Variants in TNRC6B observed in about 807,000 individuals in gnomAD.
TNRC6B encodes trinucleotide repeat-containing gene 6B protein.
TNRC6B carries 52 observed loss-of-function variants against 203.6 expected under a neutral mutation model. The ratio of observed to expected loss-of-function variants is 0.26; its 90% confidence interval spans 0.20 to 0.32. The LOEUF is 0.32. Ranked by LOEUF, TNRC6B falls within the 10% of genes least tolerant of loss-of-function variation. The pLI, the probability that TNRC6B is intolerant of heterozygous loss-of-function variation, is 1.00. For synonymous variants in TNRC6B, 838 were observed against 845.7 expected (o/e 0.99, Z 0.16); for missense variants, 1,923 against 2,286.2 (o/e 0.84, Z 3.24).
chr22:40,212,157 C>T (rs2069573148), intron 1 of TNRC6B, among the ~76,000 whole-genome samples: 1 of 152,196 alleles, frequency 6.6e-6, no homozygotes, highest in Admixed American at 6.5e-5. Flanking sequence ...GTACTTAAGG[C>T]TTCAGCTACC....
chr22:40,173,620 T>C (rs2069025374), upstream of TNRC6B, among the ~76,000 whole-genome samples: 1 of 150,168 alleles, frequency 6.7e-6, no homozygotes, highest in African/African-American at 2.4e-5. Flanking sequence ...TCACTATGTT[T>C]GTTGCCCAGT....
At chr22:40,219,052 A>G (rs533647952) in intron 1 of TNRC6B, among the ~76,000 whole-genome samples, 6 of 152,348 alleles carry the variant, frequency 3.9e-5, no homozygotes, top group Non-Finnish European at 7.3e-5. Context: ...CACAAGCACA[A>G]AAGTATTAAG....
intron 1 of TNRC6B, among the ~76,000 whole-genome samples, chr22:40,229,448 T>TGC (rs1381293522): frequency 6.6e-6 from 1 of 152,060 alleles, no homozygotes; most frequent in Admixed American, 6.5e-5. Context: ...GGAAAGGCTT[T>TGC]TTTTTTTTTC....
intron 8 of TNRC6B, among the ~76,000 whole-genome samples, chr22:40,277,545 G>C (rs747443854): frequency 1.2e-4 from 18 of 152,334 alleles, no homozygotes; most frequent in Non-Finnish European, 2.4e-4. Flanking sequence ...TAGAATTTCT[G>C]ATTTCTTTAT....
rs866756732 is a variant in TNRC6B at position 40,237,990 on chromosome 22, T to C, written c.6-8025T>C. 2.0e-5 allele frequency among the ~76,000 whole-genome samples: 3 copies of C among 152,218 alleles called. No homozygotes were observed. In the South Asian group the frequency reaches 6.2e-4, roughly 32 times the overall value. ...TCACAGGTCAGTGCGTGGCATATCA[T>C]AGACACTCAGCATGTTTATTAGATG... On this transcript the variant is annotated intron_variant, in intron 1 of 22. Coordinates refer to ENST00000454349, the MANE Select transcript of TNRC6B (RefSeq NM_001162501.2).
chr22:40,256,018 A>C (rs1198635089), intron 3 of TNRC6B, among the ~76,000 whole-genome samples: 2 of 152,090 alleles, frequency 1.3e-5, no homozygotes, highest in Admixed American at 1.3e-4. Flanking sequence ...ACGCCTGGCT[A>C]ATTTTTTGTA....
chr22:40,184,609 A>G (rs2146385130), intron 1 of TNRC6B, among the ~76,000 whole-genome samples: 1 of 152,302 alleles, frequency 6.6e-6, no homozygotes, highest in Admixed American at 6.5e-5. Flanking sequence ...TGTTGTGGAA[A>G]CTGGCTGGGA....
chr22:40,255,767 C>T (rs2070266671), intron 3 of TNRC6B, among the ~76,000 whole-genome samples: 1 of 152,180 alleles, frequency 6.6e-6, no homozygotes, highest in African/African-American at 2.4e-5. Context: ...GCTCTCTGTT[C>T]CTTTTCACAG....
intron 3 of TNRC6B, among the ~76,000 whole-genome samples, chr22:40,137,618 C>T (rs916090651): frequency 5.9e-5 from 9 of 152,048 alleles, no homozygotes; most frequent in African/African-American, 1.9e-4. Flanking sequence ...GAAGCAGAAC[C>T]CCTGCAGGCA....
rs58482182 is a variant in TNRC6B, at chr22:40,149,679, CAAAA to C, written c.46-6416_46-6413del. 2.8e-3 allele frequency among the ~76,000 whole-genome samples: 235 copies of C among 84,822 alleles called. 1 individual carries two copies. The highest frequency in any genetic ancestry group is 9.4e-3 in the African/African-American group (217 of 22,996). 55.6% of individuals were successfully genotyped at this position (84,822 alleles called of 152,430 possible). A position where few individuals can be genotyped will look rare whatever the true frequency, so the allele number is the denominator to read the frequency against. ...GCGAGACTCCGTCTCCCTCCCCCGC[CAAAA>C]AAAAAAAAAAAAAAAAAAAGATTAA... On this transcript the variant is annotated intron_variant, in intron 3 of 23. Transcript: ENST00000301923.
intron 1 of TNRC6B, among the ~76,000 whole-genome samples, chr22:40,235,726 A>T (rs759547332): frequency 1.3e-5 from 2 of 152,224 alleles, no homozygotes; most frequent in African/African-American, 4.8e-5. Flanking sequence ...CTATCTGTCT[A>T]TTCCTGCTAT....
intron 3 of TNRC6B, among the ~76,000 whole-genome samples, chr22:40,154,335 G>T (rs2068790534): frequency 6.6e-6 from 1 of 150,938 alleles, no homozygotes; most frequent in African/African-American, 2.4e-5. Context: ...GTGGTGGCAG[G>T]CGCCTGTAAT....
chr22:40,325,756 C>T lies in TNRC6B; in HGVS notation c.*2515C>T, dbSNP rs990113051. The T allele has an allele frequency of 1.3e-5, 2 of 152,648 alleles. No individual in the cohort carries two copies. Among genetic ancestry groups the T allele is most frequent in the African/African-American group, 4.8e-5 (2 of 41,436 alleles). 9.5% of individuals were successfully genotyped at this position (152,648 alleles called of 1,614,324 possible). ...TAGTGTCCCTGGGCCAGGAGCATATCCCAAGGCTCCTGCGAGCCAGTGGCG... is the reference window on the plus strand; with the variant it reads ...TAGTGTCCCTGGGCCAGGAGCATATTCCAAGGCTCCTGCGAGCCAGTGGCG... On this transcript the variant is annotated 3_prime_UTR_variant, in exon 23 of 23. Coordinates refer to ENST00000454349, the MANE Select transcript of TNRC6B (RefSeq NM_001162501.2).
intron 1 of TNRC6B, among the ~76,000 whole-genome samples, chr22:40,072,861 CAAAAAAAAAAAAA>C (rs767881898): frequency 2.1e-5 from 1 of 46,518 alleles, no homozygotes; most frequent in Non-Finnish European, 4.6e-5. Flanking sequence ...GAGATTCTCT[CAAAAAAAAAAAAA>C]AAAAAAAAAA....
intron 3 of TNRC6B, among the ~76,000 whole-genome samples, chr22:40,138,252 G>A (rs1369651221): frequency 6.6e-6 from 1 of 152,178 alleles, no homozygotes; most frequent in South Asian, 2.1e-4. Flanking sequence ...GGTATTGGAT[G>A]TAGCTGTTGT....
intron 3 of TNRC6B, among the ~76,000 whole-genome samples, chr22:40,136,371 TTGTGTG>T (rs56246561): frequency 1.3e-4 from 18 of 141,168 alleles, no homozygotes; most frequent in African/African-American, 1.6e-4. Context: ...TATGTTTATC[TTGTGTG>T]TGTGTGTGTG....
chr22:40,058,818 G>T (rs1455217743), intron 1 of TNRC6B, among the ~76,000 whole-genome samples: 1 of 152,030 alleles, frequency 6.6e-6, no homozygotes. Context: ...TTTTCTCTGT[G>T]GCTTTGGACT....
At chr22:40,296,826 C>A (rs2070950984) in intron 12 of TNRC6B, among the ~76,000 whole-genome samples, 2 of 152,094 alleles carry the variant, frequency 1.3e-5, no homozygotes, top group African/African-American at 4.8e-5. Flanking sequence ...GAGGGTTTTG[C>A]CATGTTGGCC....
In TNRC6B at chr22:40,265,154, A is replaced by G; in HGVS notation, c.924A>G (p.Pro308=). Reference sequence around the variant, plus strand: ...GCAACTTTAACCCAAATAGCAACCCATCTGCCTGGCCAGCACTGGTCCAAG... The same window carrying G: ...GCAACTTTAACCCAAATAGCAACCCGTCTGCCTGGCCAGCACTGGTCCAAG... ...GFSNFNPNSN[P]SAWPALVQEG... Residue 308 remains proline (P), a synonymous_variant, in exon 5 of 23, where the codon CCA becomes CCG. Coordinates refer to ENST00000454349, the MANE Select transcript of TNRC6B (RefSeq NM_001162501.2). 6.2e-7 allele frequency: 1 copy of G among 1,614,012 alleles called. No homozygotes were observed. The highest frequency in any genetic ancestry group is 8.5e-7 in the Non-Finnish European group (1 of 1,179,896).
Sources: gnomAD v4.1 joint callset for allele counts (sites outside exome capture counted in the v4.1 genomes callset) on GRCh38, gnomAD v4.1.1 for gene constraint, MANE v1.5 for transcripts, NCBI Gene and HGNC (gene_info 2026-07-23, HGNC 2026-07-21) for gene names.